The following THEMIS variants were observed in gnomAD, a reference collection of about 807,000 sequenced individuals.
THEMIS encodes protein THEMIS.
Under a neutral mutation model 52.6 loss-of-function variants are expected in THEMIS, and 37 were observed. The ratio of observed to expected loss-of-function variants is 0.70; its 90% CI spans 0.54 to 0.93. The LOEUF is 0.93. Among genes scored for constraint, THEMIS ranks in the 40% least tolerant of loss-of-function variants. The probability of loss-of-function intolerance (pLI) is 0.00; values close to 1 mark genes in which losing one functional copy is unlikely to be tolerated. For synonymous variants in THEMIS, 292 were observed against 272.7 expected (o/e 1.07, Z -0.70); for missense variants, 808 against 763.1 (o/e 1.06, Z -0.69).
At chr6:127,847,274 T>TC (rs1409217841) in intron 2 of THEMIS, among the ~76,000 whole-genome samples, 1 of 151,620 alleles carries the variant, frequency 6.6e-6, no homozygotes, top group African/African-American at 2.4e-5. Context: ...GTACTGGAAG[T>TC]CCTAGCCACA....
At chr6:127,698,830 T>C in the THEMIS span, among the ~76,000 whole-genome samples, 2 of 119,476 alleles carry the variant, frequency 1.7e-5, no homozygotes, top group Non-Finnish European at 4.2e-5. Flanking sequence ...AGTTCCTAAA[T>C]TGTATGGCTT....
intron 4 of THEMIS, among the ~76,000 whole-genome samples, chr6:127,779,513 T>C (rs1776675147): frequency 6.6e-6 from 1 of 152,178 alleles, no homozygotes; most frequent in Non-Finnish European, 1.5e-5. Context: ...TTTATTTTGC[T>C]CATTCATTTA....
At chr6:127,877,789 T>G (rs565578992) in intron 1 of THEMIS, among the ~76,000 whole-genome samples, 1 of 152,296 alleles carries the variant, frequency 6.6e-6, no homozygotes, top group East Asian at 1.9e-4. Flanking sequence ...GAGAACACAT[T>G]GGTGGAAAAT....
chr6:127,813,416 T>G lies in THEMIS; in HGVS notation c.1225A>C (p.Asn409His). The G allele has an allele frequency of 6.2e-7, 1 of 1,613,944 alleles. No homozygotes were observed. Among genetic ancestry groups the G allele is most frequent in the South Asian group, 1.1e-5 (1 of 91,056 alleles). ...AGGATTTTTTCACAGGCCAGAACATTCACCACTTTTTTTATTCCCTCACAG... is the reference window on the plus strand; with the variant it reads ...AGGATTTTTTCACAGGCCAGAACATGCACCACTTTTTTTATTCCCTCACAG... ...VLCEGIKKVV[N>H]VLACEKILKK... is the part of the protein sequence containing the mutation. Residue 409 changes from asparagine to histidine, a missense_variant, in exon 4 of 6, where the codon AAT (asparagine) becomes CAT (histidine). Asn to His is a moderately conservative substitution (Grantham distance 68). Transcript: ENST00000368248.
intron 1 of THEMIS, among the ~76,000 whole-genome samples, chr6:127,893,795 T>C (rs1480024731): frequency 6.6e-6 from 1 of 152,116 alleles, no homozygotes; most frequent in African/African-American, 2.4e-5. Flanking sequence ...GGGTGGAATC[T>C]GGCTCCACTG....
rs1778027042 is a variant in THEMIS at position 127,813,789 on chromosome 6, C to T, written c.852G>A (p.Val284=). The change falls in exon 4 of 6, where the codon GTG becomes GTA. Residue 284 remains valine (V), a synonymous_variant. Transcript: ENST00000368248. ...FEMTSKEFPI[V]TEVIEAPEGN... is the part of the protein sequence containing the mutation. ...CTTCAGGTGCTTCTATGACTTCAGT[C>T]ACTATGGGGAACTCTTTACTAGTCA... 1 of 1,613,986 alleles carries T rather than the reference C, an allele frequency of 6.2e-7. No individual in the cohort carries two copies. The highest frequency in any genetic ancestry group is 1.7e-5 in the Admixed American group (1 of 59,998).
intron 4 of THEMIS, among the ~76,000 whole-genome samples, chr6:127,785,221 T>TATCTATCTATCTATC (rs1776901019): frequency 1.9e-4 from 1 of 5,348 alleles, no homozygotes; most frequent in South Asian, 1.4e-3. Context: ...TTATCTATCT[T>TATCTATCTATCTATC]ATCTATCTAT....
At chr6:127,860,909 G>A (rs1366524468) in intron 1 of THEMIS, among the ~76,000 whole-genome samples, 2 of 152,124 alleles carry the variant, frequency 1.3e-5, no homozygotes, top group African/African-American at 4.8e-5. Context: ...CTTACAAGTG[G>A]TTGTCATGAT....
intron 4 of THEMIS, chr6:127,807,440 T>C (rs891043302): frequency 1.1e-5 from 2 of 183,498 alleles, no homozygotes; most frequent in Non-Finnish European, 2.4e-5. Context: ...AAATTGTATC[T>C]CACAGTCAAA....
At chr6:127,866,027 T>C (rs920477037) in intron 1 of THEMIS, among the ~76,000 whole-genome samples, 20 of 152,202 alleles carry the variant, frequency 1.3e-4, no homozygotes, top group African/African-American at 4.1e-4. Flanking sequence ...CAGAAATGCA[T>C]TGATAATATG....
chr6:127,778,538 A>G (rs1776638935), intron 4 of THEMIS, among the ~76,000 whole-genome samples: 1 of 152,076 alleles, frequency 6.6e-6, no homozygotes, highest in Non-Finnish European at 1.5e-5. Flanking sequence ...TCTTTCAGGG[A>G]ATCTACTTAT....
intron 3 of THEMIS, among the ~76,000 whole-genome samples, chr6:127,822,047 G>A (rs142836860): frequency 6.1e-4 from 92 of 151,878 alleles, no homozygotes; most frequent in Middle Eastern, 3.4e-3. Flanking sequence ...ATATTTGTTA[G>A]ACATTTTTAC....
intron 1 of THEMIS, among the ~76,000 whole-genome samples, chr6:127,893,003 T>C (rs548929275): frequency 2.0e-5 from 3 of 152,298 alleles, no homozygotes; most frequent in Non-Finnish European, 2.9e-5. Context: ...AGGATATTTA[T>C]AGTCTGTTTG....
At chr6:127,798,712 C>T (rs1037149672) in intron 4 of THEMIS, among the ~76,000 whole-genome samples, 5 of 152,170 alleles carry the variant, frequency 3.3e-5, no homozygotes, top group East Asian at 1.9e-4. Flanking sequence ...TAAAGACGGC[C>T]GGGCGCGGTG....
intron 1 of THEMIS, among the ~76,000 whole-genome samples, chr6:127,872,261 C>T (rs1780179352): frequency 6.6e-6 from 1 of 152,038 alleles, no homozygotes; most frequent in South Asian, 2.1e-4. Flanking sequence ...CAAAATTTTA[C>T]ACCTATTTAT....
intron 1 of THEMIS, among the ~76,000 whole-genome samples, chr6:127,890,947 A>T (rs1780786464): frequency 6.6e-6 from 1 of 152,134 alleles, no homozygotes; most frequent in Non-Finnish European, 1.5e-5. Context: ...GATCAAATAA[A>T]GTCCTGATCA....
rs532655078 is a variant in THEMIS, at chr6:127,775,530, A to G, written c.1758+37353T>C. ...GAAATCTCAACCAAATTACAACCATAGCTTTGGTTTGATTGTGAGCCTGAG... is the reference window on the plus strand; with the variant it reads ...GAAATCTCAACCAAATTACAACCATGGCTTTGGTTTGATTGTGAGCCTGAG... On this transcript the variant is annotated intron_variant, in intron 4 of 5. Coordinates refer to ENST00000368248, the MANE Select transcript of THEMIS (RefSeq NM_001010923.3). 2.6e-5 allele frequency among the ~76,000 whole-genome samples: 4 copies of G among 152,106 alleles called. No individual in the cohort carries two copies. The South Asian group carries it at 8.3e-4, about 32-fold the overall frequency.
chr6:127,759,382 C>T (rs1462321495), intron 4 of THEMIS, among the ~76,000 whole-genome samples: 2 of 152,154 alleles, frequency 1.3e-5, no homozygotes, highest in African/African-American at 2.4e-5. Context: ...TCACTGGACT[C>T]ATATAAATTG....
chr6:127,765,911 C>T (rs1776182305), intron 4 of THEMIS, among the ~76,000 whole-genome samples: 1 of 152,018 alleles, frequency 6.6e-6, no homozygotes, highest in South Asian at 2.1e-4. Flanking sequence ...TCGGTGCATA[C>T]ATGTATTTGA....
Sources: allele counts gnomAD v4.1 joint callset (sites outside exome capture counted in the v4.1 genomes callset), GRCh38; gene constraint gnomAD v4.1.1; transcripts MANE v1.5; gene names NCBI Gene and HGNC (gene_info 2026-07-23, HGNC 2026-07-21).